The following CEP20 variants were observed in gnomAD, a reference collection of about 807,000 sequenced individuals.
CEP20 encodes FGFR1OP N-terminal like.
Under a neutral mutation model 20.0 loss-of-function variants are expected in CEP20, and 18 were observed. That is an observed-to-expected ratio of 0.90 (90% CI 0.62 to 1.34). CEP20 has a LOEUF of 1.34. Ranked by LOEUF, CEP20 falls within the 40% of genes most tolerant of loss-of-function variation. The probability of loss-of-function intolerance (pLI) is 0.00; values close to 1 mark genes in which losing one functional copy is unlikely to be tolerated. For synonymous variants in CEP20, 77 were observed against 73.7 expected (o/e 1.04, Z -0.23); for missense variants, 215 against 201.6 (o/e 1.07, Z -0.40).
At position 15,867,515 on chromosome 16, in the gene CEP20, A is replaced by G. The variant is rs1490604127; in HGVS notation, c.450T>C (p.Asp150=). The change falls in exon 5 of 5, where the codon GAT becomes GAC. Residue 150 remains aspartate (D), a splice_region_variant and synonymous_variant. Transcript: ENST00000255759. ...GRQPSRRKPM[D]DHLRKEEQKS... ...TCTGTTCCTCCTTTCTTAGGTGGTC[A>G]TCTGAAATGCACAGAAACCAATGTT... The G allele has an allele frequency of 1.3e-6, 2 of 1,599,532 alleles. No homozygotes were observed. Among genetic ancestry groups the G allele is most frequent in the Admixed American group, 3.4e-5 (2 of 58,772 alleles).
At chr16:15,869,004 G>A (rs1275607854) in intron 4 of CEP20, among the ~76,000 whole-genome samples, 1 of 151,674 alleles carries the variant, frequency 6.6e-6, no homozygotes, top group Non-Finnish European at 1.5e-5. Flanking sequence ...TGAGGTCAAG[G>A]CTGCAGAGAG....
intron 3 of CEP20, chr16:15,877,142 GCGCCCGGC>G (rs2044973169): frequency 6.6e-6 from 1 of 152,380 alleles, no homozygotes; most frequent in African/African-American, 2.4e-5. Context: ...GTGAGCCAAT[GCGCCCGGC>G]CTTCTTTTTT....
At chr16:15,885,432 G>A (rs868516145) in intron 1 of CEP20, among the ~76,000 whole-genome samples, 15 of 152,018 alleles carry the variant, frequency 9.9e-5, no homozygotes, top group African/African-American at 2.7e-4. Flanking sequence ...TCGCTCTGTC[G>A]CCAGGTTGGA....
At chr16:15,875,826 T>C (rs2151424335) in intron 3 of CEP20, among the ~76,000 whole-genome samples, 1 of 152,072 alleles carries the variant, frequency 6.6e-6, no homozygotes, top group East Asian at 1.9e-4. Context: ...GTGCTGGGTG[T>C]GGTGGCTCAA....
intron 2 of CEP20, among the ~76,000 whole-genome samples, chr16:15,883,340 G>A (rs2045157213): frequency 6.6e-6 from 1 of 152,034 alleles, no homozygotes; most frequent in African/African-American, 2.4e-5. Context: ...TCCAGCCTTT[G>A]CAACAGAGTG....
chr16:15,873,476 T>A lies in CEP20; in HGVS notation c.448+15A>T, dbSNP rs762212077. On this transcript the variant is annotated intron_variant, in intron 4 of 4. Coordinates refer to ENST00000255759, the MANE Select transcript of CEP20 (RefSeq NM_144600.4). ...TTTGCTGACAGCTAAATGATGAATC[T>A]TGGAAAACTCATACCCATTGGCTTT... 4.4e-6 allele frequency: 7 copies of A among 1,601,372 alleles called. No homozygotes were observed. The highest frequency in any genetic ancestry group is 6.0e-6 in the Non-Finnish European group (7 of 1,175,088).
At chr16:15,884,836 G>T (rs951597104) in intron 1 of CEP20, among the ~76,000 whole-genome samples, 1 of 152,194 alleles carries the variant, frequency 6.6e-6, no homozygotes, top group South Asian at 2.1e-4. Context: ...GGAAAAGGCG[G>T]GGGATAGGAT....
intron 1 of CEP20, among the ~76,000 whole-genome samples, chr16:15,886,799 CT>C (rs2045257838): frequency 6.6e-6 from 1 of 152,124 alleles, no homozygotes; most frequent in Non-Finnish European, 1.5e-5. Flanking sequence ...AGCATTTTAC[CT>C]TTCCCTCTAT....
intron 3 of CEP20, among the ~76,000 whole-genome samples, chr16:15,875,761 A>G (rs2044928524): frequency 6.6e-6 from 1 of 152,136 alleles, no homozygotes; most frequent in Non-Finnish European, 1.5e-5. Flanking sequence ...TGACCTAACA[A>G]GGCTATTAAC....
chr16:15,868,672 G>A (rs1182614042), intron 4 of CEP20, among the ~76,000 whole-genome samples: 1 of 152,096 alleles, frequency 6.6e-6, no homozygotes, highest in Non-Finnish European at 1.5e-5. Context: ...TTAGTTCTCA[G>A]CTGCTTATTC....
chr16:15,882,569 C>T (rs59493082), intron 2 of CEP20, among the ~76,000 whole-genome samples: 10,488 of 151,910 alleles, frequency 0.069, 479 homozygotes, highest in East Asian at 0.22. Flanking sequence ...AAAACCTCTT[C>T]TCTTCATAAA....
rs781261407 is a variant in CEP20, at chr16:15,888,603, G to C, written c.-18C>G. ...GTCGCCATTTTTCAACGGCCGCCAG[G>C]GCCGCACCGCGGCCCTGCGCACGCG... On this transcript the variant is annotated 5_prime_UTR_variant, in exon 1 of 5. Coordinates refer to ENST00000255759, the MANE Select transcript of CEP20 (RefSeq NM_144600.4). The C allele has an allele frequency of 1.2e-6, 2 of 1,613,908 alleles. No homozygotes were observed. The highest frequency in any genetic ancestry group is 1.7e-4 in the Middle Eastern group (1 of 6,048).
At chr16:15,871,271 TAATAAAATAAAATAAAATA>T (rs2044811368) in intron 4 of CEP20, among the ~76,000 whole-genome samples, 1 of 150,386 alleles carries the variant, frequency 6.6e-6, no homozygotes, top group South Asian at 2.1e-4. Flanking sequence ...TAAATAATAA[TAATAAAATAAAATAAAATA>T]AATAAAATAA....
chr16:15,866,831 G>C lies in CEP20; in HGVS notation c.*609C>G, dbSNP rs560339893. 6.6e-6 allele frequency: 1 copy of C among 152,150 alleles called. No individual in the cohort carries two copies. The highest frequency in any genetic ancestry group is 2.4e-5 in the African/African-American group (1 of 41,426). 9.4% of individuals were successfully genotyped at this position (152,150 alleles called of 1,614,324 possible). On this transcript the variant is annotated 3_prime_UTR_variant, in exon 5 of 5. Transcript: ENST00000255759. ...AATCTTCCAGTAAGCCAAAGTCTAA[G>C]GAAAGAAAAAGTACATTGTTGCCTA... is the stretch of plus-strand genomic sequence containing the variant.
rs775894389 is a variant in CEP20, at chr16:15,884,186, T to A, written c.48A>T (p.Glu16Asp). The change falls in exon 2 of 5, where the codon GAA becomes GAT. Residue 16 changes from glutamate (E) to aspartate (D), a missense_variant. By Grantham distance (45) the Glu-to-Asp change is conservative. Transcript: ENST00000255759. ...TTAAATGCCCTAATACCCCCTTTTT[T>A]TCCAAGGTGTCCTTTAAAACTGTTC... ...ELKAVLKDTL[E>D]KKGVLGHLKA... is the part of the protein sequence containing the mutation. 2 of 1,611,112 alleles carry A rather than the reference T, an allele frequency of 1.2e-6. No individual in the cohort carries two copies. The highest frequency in any genetic ancestry group is 2.2e-5 in the South Asian group (2 of 90,922).
chr16:15,874,529 T>C (rs1004074677), intron 3 of CEP20, among the ~76,000 whole-genome samples: 2 of 152,198 alleles, frequency 1.3e-5, no homozygotes, highest in Non-Finnish European at 2.9e-5. Context: ...TACTCTTGCA[T>C]CAAGGAAAGC....
intron 2 of CEP20, among the ~76,000 whole-genome samples, chr16:15,883,694 C>T (rs1341622434): frequency 6.6e-6 from 1 of 151,926 alleles, no homozygotes; most frequent in Non-Finnish European, 1.5e-5. Flanking sequence ...ACTTAATCAG[C>T]GTATATTTTT....
chr16:15,873,756 A>G (rs1422563706), intron 3 of CEP20, 129 bp from the exon 4 acceptor site: 57 of 1,073,372 alleles, frequency 5.3e-5, no homozygotes, highest in Non-Finnish European at 7.0e-5. Flanking sequence ...ACTAGACTTT[A>G]AAAAGCGGCA....
intron 3 of CEP20, among the ~76,000 whole-genome samples, chr16:15,878,731 C>G (rs1400293100): frequency 6.6e-6 from 1 of 152,074 alleles, no homozygotes; most frequent in African/African-American, 2.4e-5. Flanking sequence ...AACTCCTGAC[C>G]TCAGGTGATC....
Sources: gnomAD v4.1 joint callset for allele counts (sites outside exome capture counted in the v4.1 genomes callset) on GRCh38, gnomAD v4.1.1 for gene constraint, MANE v1.5 for transcripts, NCBI Gene and HGNC (gene_info 2026-07-23, HGNC 2026-07-21) for gene names.